The following GABRG2 variants were observed in gnomAD, a reference collection of about 807,000 sequenced individuals.
The protein encoded by GABRG2 is gamma-aminobutyric acid receptor subunit gamma-2.
A neutral mutation model predicts 56.4 loss-of-function variants in GABRG2; 16 were observed. The ratio of observed to expected loss-of-function variants is 0.28; its 90% confidence interval spans 0.19 to 0.43. The LOEUF is 0.43. GABRG2 is among the 20% of genes least tolerant of loss of function. GABRG2 has a pLI of 1.00. For synonymous variants in GABRG2, 208 were observed against 205.5 expected (o/e 1.01, Z -0.10); for missense variants, 327 against 582.7 (o/e 0.56, Z 4.52).
intron 1 of GABRG2, among the ~76,000 whole-genome samples, chr5:162,072,949 A>G (rs764936403): frequency 6.6e-6 from 1 of 151,960 alleles, no homozygotes; most frequent in Non-Finnish European, 1.5e-5. Context: ...TGTCAATATT[A>G]TCTTATGTGT....
At chr5:162,121,446 A>C (rs1280254009) in intron 6 of GABRG2, among the ~76,000 whole-genome samples, 1 of 152,096 alleles carries the variant, frequency 6.6e-6, no homozygotes, top group Non-Finnish European at 1.5e-5. Context: ...AGTTCAAAGC[A>C]AAGGAGCTTT....
chr5:162,080,676 A>G (rs1280888970), intron 1 of GABRG2, among the ~76,000 whole-genome samples: 1 of 152,102 alleles, frequency 6.6e-6, no homozygotes, highest in African/African-American at 2.4e-5. Context: ...AAGTGTACCT[A>G]TATGATCTGG....
At chr5:162,101,516 T>A in intron 5 of GABRG2, 199 bp downstream of exon 5, 1 of 602,846 alleles carries the variant, frequency 1.7e-6, no homozygotes, top group Non-Finnish European at 3.0e-6. Flanking sequence ...AAGGGCTGAT[T>A]TTATTAAGAA....
chr5:162,079,980 T>G (rs941680009), intron 1 of GABRG2, among the ~76,000 whole-genome samples: 2 of 152,072 alleles, frequency 1.3e-5, no homozygotes, highest in African/African-American at 4.8e-5. Flanking sequence ...ACGCACATGA[T>G]TCTGTTCATT....
chr5:162,100,381 A>G (rs1368992859), intron 4 of GABRG2: 1 of 152,164 alleles, frequency 6.6e-6, no homozygotes, highest in African/African-American at 2.4e-5. Flanking sequence ...GTACAATGTA[A>G]GAGATATAGC....
chr5:162,152,616 T>G (rs1765454003), intron 9 of GABRG2: 1 of 242,030 alleles, frequency 4.1e-6, no homozygotes, highest in Admixed American at 5.1e-5. Context: ...TTTTAACATT[T>G]TCTATTAACA....
intron 1 of GABRG2, among the ~76,000 whole-genome samples, chr5:162,074,837 C>A (rs1197541089): frequency 1.3e-5 from 2 of 152,084 alleles, no homozygotes; most frequent in African/African-American, 4.8e-5. Flanking sequence ...AATTTTCTAA[C>A]CACTCTTGTT....
At chr5:162,071,385 ATACTT>A (rs1215548263) in intron 1 of GABRG2, among the ~76,000 whole-genome samples, 1 of 151,728 alleles carries the variant, frequency 6.6e-6, no homozygotes, top group Non-Finnish European at 1.5e-5. Context: ...ATTTTGTAAT[ATACTT>A]AGAGTGACAA....
rs886645578 is a variant in GABRG2, at chr5:162,102,571, C to T, written c.631+1254C>T. ...TTGGACAGGGTCTCGTTCTATTGCC[C>T]AGGCTGGAATGTGCAGTGGTGTGAT... On this transcript the variant is annotated intron_variant, in intron 5 of 9. Transcript: ENST00000639213. The T allele has an allele frequency of 1.3e-5, 6 of 454,082 alleles. No individual in the cohort carries two copies. In the East Asian group the frequency reaches 3.5e-4, roughly 26 times the overall value. The allele number at this position is 454,082 out of a possible 1,614,324, so 28.1% of individuals were successfully genotyped here.
chr5:162,132,412 G>T (rs967108716), intron 6 of GABRG2, among the ~76,000 whole-genome samples: 2 of 151,906 alleles, frequency 1.3e-5, no homozygotes, highest in African/African-American at 2.4e-5. Flanking sequence ...ATCACAAATA[G>T]AATTTCTACT....
chr5:162,077,802 C>T (rs1385285891), intron 1 of GABRG2, among the ~76,000 whole-genome samples: 1 of 152,086 alleles, frequency 6.6e-6, no homozygotes, highest in South Asian at 2.1e-4. Context: ...TCTTAAGGTG[C>T]TAGAAAATCA....
At chr5:162,112,398 A>G (rs1221599315) in intron 6 of GABRG2, among the ~76,000 whole-genome samples, 2 of 120,236 alleles carry the variant, frequency 1.7e-5, no homozygotes, top group East Asian at 4.7e-4. Flanking sequence ...CCCAAAATAA[A>G]TTTGAAAGAC....
chr5:162,125,689 G>A (rs1007199396), intron 6 of GABRG2, among the ~76,000 whole-genome samples: 2 of 151,658 alleles, frequency 1.3e-5, no homozygotes, highest in Admixed American at 6.6e-5. Context: ...TCAAAGTGGT[G>A]GTTTGTCAGA....
chr5:162,093,716 T>C, intron 1 of GABRG2, 112 bp from the exon 2 acceptor site: 2 of 1,027,424 alleles, frequency 1.9e-6, no homozygotes, highest in Non-Finnish European at 3.0e-6. Flanking sequence ...GAATTTTCAG[T>C]TTAAACATTT....
chr5:162,071,772 A>T (rs751941411), intron 1 of GABRG2, among the ~76,000 whole-genome samples: 1 of 151,928 alleles, frequency 6.6e-6, no homozygotes, highest in African/African-American at 2.4e-5. Context: ...CACCAGAAAA[A>T]TCTTTATTTC....
chr5:162,147,310 C>CTTCCTTCCTTCCTTCCT (rs1765034820), intron 7 of GABRG2, among the ~76,000 whole-genome samples: 1 of 127,990 alleles, frequency 7.8e-6, no homozygotes, highest in Non-Finnish European at 1.6e-5. Context: ...TTTCTTTTTC[C>CTTCCTTCCTTCCTTCCT]TTCCTTCCTT....
intron 8 of GABRG2, chr5:162,149,587 T>C (rs753998437): frequency 4.0e-6 from 3 of 751,434 alleles, no homozygotes; most frequent in Non-Finnish European, 7.3e-6. Flanking sequence ...TTGAGAAATG[T>C]GACCTTCTTC....
intron 6 of GABRG2, among the ~76,000 whole-genome samples, chr5:162,114,094 G>C (rs1762441746): frequency 6.6e-6 from 1 of 152,092 alleles, no homozygotes. Context: ...ATAAACAACT[G>C]ATAATTTTCA....
intron 7 of GABRG2, among the ~76,000 whole-genome samples, chr5:162,147,257 TTC>T (rs908481300): frequency 4.6e-5 from 7 of 151,626 alleles, no homozygotes; most frequent in Admixed American, 4.6e-4. Context: ...CTTTATTTCT[TTC>T]TTTCATTCTT....
Sources: allele counts gnomAD v4.1 joint callset (sites outside exome capture counted in the v4.1 genomes callset), GRCh38; gene constraint gnomAD v4.1.1; transcripts MANE v1.5; gene names NCBI Gene and HGNC (gene_info 2026-07-23, HGNC 2026-07-21).